BCL2: variants seen among roughly 807,000 people sequenced by gnomAD.
BCL2 encodes the protein apoptosis regulator Bcl-2.
A neutral mutation model predicts 14.2 loss-of-function variants in BCL2; 1 was observed. The ratio of observed to expected loss-of-function variants is 0.07; its 90% CI spans 0.02 to 0.33. The LOEUF (loss-of-function observed/expected upper bound fraction) is 0.33. Among genes scored for constraint, BCL2 ranks in the 10% least tolerant of loss-of-function variants. The probability of loss-of-function intolerance (pLI) is 0.99; values close to 1 mark genes in which losing one functional copy is unlikely to be tolerated. For missense variants in BCL2, 247 were observed against 305.9 expected (o/e 0.81, Z 1.44); for synonymous variants, 151 against 137.2 (o/e 1.10, Z -0.70).
At position 63,128,435 on chromosome 18, in the gene BCL2, C is replaced by T. The variant is rs560105440; in HGVS notation, c.*190G>A. On this transcript the variant is annotated 3_prime_UTR_variant, in exon 3 of 3. Coordinates refer to ENST00000333681, the MANE Select transcript of BCL2 (RefSeq NM_000633.3). Reference sequence around the variant, plus strand: ...TCCCTTTGGCAGTAAATAGCTGATTCGACGTTTTGCCTGAAGACTGTTAAT... The same window carrying T: ...TCCCTTTGGCAGTAAATAGCTGATTTGACGTTTTGCCTGAAGACTGTTAAT... 21 of 440,382 alleles carry T rather than the reference C, an allele frequency of 4.8e-5. 1 individual carries two copies. The highest frequency in any genetic ancestry group is 2.4e-4 in the East Asian group (7 of 29,688). 27.3% of individuals were successfully genotyped at this position (440,382 alleles called of 1,614,324 possible).
intron 2 of BCL2, among the ~76,000 whole-genome samples, chr18:63,216,382 G>T (rs1181840923): frequency 2.1e-5 from 3 of 141,574 alleles, no homozygotes; most frequent in African/African-American, 7.6e-5. Context: ...AGGAACATAG[G>T]AGGCCTTAAA....
intron 2 of BCL2, among the ~76,000 whole-genome samples, chr18:63,218,674 C>T (rs918912973): frequency 0.01 from 2 of 196 alleles, no homozygotes; most frequent in East Asian, 0.17. Flanking sequence ...CTCCAGTCAT[C>T]CCCATCCTCC....
intron 2 of BCL2, among the ~76,000 whole-genome samples, chr18:63,283,374 G>A (rs1489113935): frequency 6.6e-6 from 1 of 152,134 alleles, no homozygotes; most frequent in Non-Finnish European, 1.5e-5. Flanking sequence ...AGCTTTTAGG[G>A]TTTTTAATCT....
At chr18:63,250,218 G>A (rs772139391) in intron 2 of BCL2, among the ~76,000 whole-genome samples, 1 of 152,160 alleles carries the variant, frequency 6.6e-6, no homozygotes, top group Non-Finnish European at 1.5e-5. Context: ...AACTACTACC[G>A]CTACTGCAAA....
At chr18:63,290,704 G>C (rs1402332057) in intron 2 of BCL2, among the ~76,000 whole-genome samples, 2 of 152,128 alleles carry the variant, frequency 1.3e-5, no homozygotes, top group Admixed American at 1.3e-4. Flanking sequence ...ACCTTTCATG[G>C]GCTCAGTTCA....
At chr18:63,129,375 G>T (rs1425348374) in intron 2 of BCL2, among the ~76,000 whole-genome samples, 1 of 150,956 alleles carries the variant, frequency 6.6e-6, no homozygotes, top group Non-Finnish European at 1.5e-5. Flanking sequence ...CTGCAGCCTC[G>T]AACTGTTGGA....
At chr18:63,297,635 T>C (rs1171424227) in intron 2 of BCL2, among the ~76,000 whole-genome samples, 1 of 152,234 alleles carries the variant, frequency 6.6e-6, no homozygotes, top group Admixed American at 6.5e-5. Flanking sequence ...TTTGGATATA[T>C]ACTGTGATCG....
rs193287575 is a variant in BCL2, at chr18:63,275,525, T to C, written c.585+42557A>G. 7.9e-5 allele frequency among the ~76,000 whole-genome samples: 12 copies of C among 152,294 alleles called. No individual in the cohort carries two copies. In the East Asian group the frequency reaches 2.3e-3, roughly 29 times the overall value. On this transcript the variant is annotated intron_variant, in intron 2 of 2. Transcript: ENST00000333681. Reference sequence around the variant, plus strand: ...CTAAATACTACACAGCCGTGACCCTTTTCTTGAGCACATTTTGAGAGTGCC... The same window carrying C: ...CTAAATACTACACAGCCGTGACCCTCTTCTTGAGCACATTTTGAGAGTGCC...
At chr18:63,254,927 T>C (rs552349142) in intron 2 of BCL2, among the ~76,000 whole-genome samples, 15 of 152,188 alleles carry the variant, frequency 9.9e-5, no homozygotes, top group Admixed American at 2.6e-4. Context: ...CAGGCAGAGA[T>C]GAAATGTAGA....
chr18:63,294,664 C>T (rs111854327), intron 2 of BCL2, among the ~76,000 whole-genome samples: 2 of 151,016 alleles, frequency 1.3e-5, no homozygotes, highest in South Asian at 2.1e-4. Context: ...AGTGAGAATC[C>T]GCCTCAAAAG....
chr18:63,254,383 T>TAAAAAAAAA lies in BCL2; in HGVS notation c.585+63690_585+63698dup, dbSNP rs71162613. On this transcript the variant is annotated intron_variant, in intron 2 of 2. Transcript: ENST00000333681. ...CGGCATAGGGAAACCCTGTCTTTGC[T>TAAAAAAAAA]AAAAAAAAAAAAAAAAAAAAAAAAA... Among the ~76,000 whole-genome samples the TAAAAAAAAA allele has an allele frequency of 1.6e-4, 6 of 38,414 alleles. 2 individuals are homozygous for TAAAAAAAAA. The highest frequency in any genetic ancestry group is 1.9e-3 in the East Asian group (2 of 1,048). 25.2% of individuals were successfully genotyped at this position (38,414 alleles called of 152,430 possible). A position where few individuals can be genotyped will look rare whatever the true frequency, so the allele number is the denominator to read the frequency against.
At chr18:63,260,560 C>T (rs1265761069) in intron 2 of BCL2, among the ~76,000 whole-genome samples, 2 of 152,190 alleles carry the variant, frequency 1.3e-5, no homozygotes, top group Admixed American at 6.5e-5. Flanking sequence ...CAGCAAAGGG[C>T]CAACCAGGCC....
chr18:63,211,183 G>A (rs1292619971), intron 2 of BCL2, among the ~76,000 whole-genome samples: 2 of 144,348 alleles, frequency 1.4e-5, no homozygotes, highest in Non-Finnish European at 3.0e-5. Context: ...CGATTCTCCC[G>A]AGTAGCTGGG....
At chr18:63,300,418 G>GA (rs1463364583) in intron 2 of BCL2, among the ~76,000 whole-genome samples, 4 of 150,222 alleles carry the variant, frequency 2.7e-5, no homozygotes, top group African/African-American at 7.3e-5. Context: ...AAAAAAAAGA[G>GA]AAAAAAACAA....
intron 2 of BCL2, among the ~76,000 whole-genome samples, chr18:63,206,897 A>T (rs1909852789): frequency 6.6e-6 from 1 of 152,088 alleles, no homozygotes; most frequent in African/African-American, 2.4e-5. Flanking sequence ...CCAAAAGTGG[A>T]TTCCTGGACA....
intron 2 of BCL2, among the ~76,000 whole-genome samples, chr18:63,167,685 G>C (rs1028684940): frequency 6.6e-6 from 1 of 152,070 alleles, no homozygotes. Flanking sequence ...CCCAGCATAT[G>C]GGGAGGCCAA....
intron 2 of BCL2, among the ~76,000 whole-genome samples, chr18:63,260,315 C>T (rs1401392794): frequency 6.6e-6 from 1 of 152,152 alleles, no homozygotes; most frequent in Non-Finnish European, 1.5e-5. Flanking sequence ...AGGCATAGTT[C>T]CCTAGCAACA....
intron 2 of BCL2, among the ~76,000 whole-genome samples, chr18:63,299,615 T>C (rs1912899207): frequency 6.6e-6 from 1 of 152,196 alleles, no homozygotes; most frequent in Non-Finnish European, 1.5e-5. Flanking sequence ...GTGGGGCACA[T>C]AGAGCCTTGG....
At chr18:63,134,232 A>G (rs1215188932) in intron 2 of BCL2, among the ~76,000 whole-genome samples, 1 of 152,226 alleles carries the variant, frequency 6.6e-6, no homozygotes, top group East Asian at 1.9e-4. Flanking sequence ...CATGTATATT[A>G]CTATTTATGA....
Sources: gnomAD v4.1 joint callset for allele counts (sites outside exome capture counted in the v4.1 genomes callset) on GRCh38, gnomAD v4.1.1 for gene constraint, MANE v1.5 for transcripts, NCBI Gene and HGNC (gene_info 2026-07-23, HGNC 2026-07-21) for gene names.